The following LRRTM3 variants were observed in gnomAD, a reference collection of about 807,000 sequenced individuals.
The protein encoded by LRRTM3 is leucine-rich repeat transmembrane neuronal protein 3.
LRRTM3 carries 24 observed loss-of-function variants against 44.7 expected under a neutral mutation model. The observed-to-expected ratio is 0.54, with a 90% confidence interval of 0.39 to 0.76. The LOEUF is 0.76. Ranked by LOEUF, LRRTM3 falls within the 30% of genes least tolerant of loss-of-function variation. The pLI is 0.00. For synonymous variants in LRRTM3, 277 were observed against 278.7 expected, an observed-to-expected ratio of 0.99 and a Z score of 0.06; for missense variants, 587 against 702.2, an observed-to-expected ratio of 0.84 and a Z score of 1.85.
At position 66,978,542 on chromosome 10, in the gene LRRTM3, A is replaced by ATAAAATAAAAATAAAAAAAAT. The variant is rs1554890292; in HGVS notation, c.1536+50090_1536+50091insTAAAATAAAAATAAAAAAAAT. 1.9e-3 allele frequency among the ~76,000 whole-genome samples: 132 copies of ATAAAATAAAAATAAAAAAAAT among 68,612 alleles called. 5 individuals carry two copies. The highest frequency in any genetic ancestry group is 3.6e-3 in the Non-Finnish European group (106 of 29,220). The allele number at this position is 68,612 out of a possible 152,430, so 45.0% of individuals were successfully genotyped here. On this transcript the variant is annotated intron_variant, in intron 2 of 2. Transcript: ENST00000361320. ...ACTCCATCTCAAAAAAAAAAAAAAA[A>ATAAAATAAAAATAAAAAAAAT]AAAAAAAAAAATATATATATATATA...
At chr10:67,053,796 C>T (rs1462493883) in intron 2 of LRRTM3, among the ~76,000 whole-genome samples, 2 of 152,116 alleles carry the variant, frequency 1.3e-5, no homozygotes, top group African/African-American at 4.8e-5. Flanking sequence ...GACTCATTTT[C>T]CCATTGAGAT....
At chr10:66,996,518 C>T (rs1443020085) in intron 2 of LRRTM3, among the ~76,000 whole-genome samples, 2 of 151,682 alleles carry the variant, frequency 1.3e-5, no homozygotes, top group Non-Finnish European at 2.9e-5. Flanking sequence ...CGTGGTGGCG[C>T]GTGCCTGTAG....
intron 2 of LRRTM3, among the ~76,000 whole-genome samples, chr10:66,992,389 A>G (rs1851088664): frequency 6.6e-6 from 1 of 151,260 alleles, no homozygotes; most frequent in East Asian, 1.9e-4. Context: ...TCCTTTTCCT[A>G]TTATTCTTCC....
At chr10:66,934,288 C>T (rs968771619) in intron 2 of LRRTM3, among the ~76,000 whole-genome samples, 8 of 151,994 alleles carry the variant, frequency 5.3e-5, no homozygotes, top group South Asian at 2.1e-4. Flanking sequence ...TTTAAGGGCT[C>T]TCACTTCTCC....
intron 2 of LRRTM3, among the ~76,000 whole-genome samples, chr10:67,090,133 A>G (rs567139426): frequency 6.6e-6 from 1 of 152,174 alleles, no homozygotes; most frequent in East Asian, 1.9e-4. Context: ...CTTCCTGAAC[A>G]TTTTTACACA....
At chr10:67,036,462 G>A (rs558386670) in intron 2 of LRRTM3, among the ~76,000 whole-genome samples, 1 of 152,198 alleles carries the variant, frequency 6.6e-6, no homozygotes, top group South Asian at 2.1e-4. Flanking sequence ...TCAGGAGTTT[G>A]AGATCAGCCT....
chr10:66,994,483 C>T (rs1040597959), intron 2 of LRRTM3, among the ~76,000 whole-genome samples: 2 of 152,156 alleles, frequency 1.3e-5, no homozygotes, highest in African/African-American at 4.8e-5. Context: ...TCTGCAATTC[C>T]TAGTTTTGCA....
intron 1 of LRRTM3, 146 bp downstream of exon 1, chr10:66,926,733 C>T (rs1847097014): frequency 2.8e-6 from 3 of 1,065,716 alleles, no homozygotes; most frequent in African/African-American, 1.6e-5. Context: ...GGCATGTTTC[C>T]TTGTTTAACT....
At chr10:66,957,347 A>C (rs1162027059) in intron 2 of LRRTM3, among the ~76,000 whole-genome samples, 1 of 149,868 alleles carries the variant, frequency 6.7e-6, no homozygotes, top group African/African-American at 2.4e-5. Context: ...CAAGTAAAAA[A>C]TACTTTAGAA....
At chr10:66,952,521 T>G (rs909612266) in intron 2 of LRRTM3, among the ~76,000 whole-genome samples, 15 of 151,946 alleles carry the variant, frequency 9.9e-5, no homozygotes, top group African/African-American at 3.4e-4. Flanking sequence ...AATGGAAAAA[T>G]TAATTGTGTG....
intron 2 of LRRTM3, among the ~76,000 whole-genome samples, chr10:67,081,353 A>G (rs1320908094): frequency 6.6e-6 from 1 of 152,238 alleles, no homozygotes; most frequent in Non-Finnish European, 1.5e-5. Context: ...ATCAATCAGT[A>G]GTAATACAAT....
rs1243329899 is a variant in LRRTM3, at chr10:66,957,338, A to T, written c.1536+28886A>T. Among the ~76,000 whole-genome samples the T allele has an allele frequency of 4.0e-5, 6 of 150,372 alleles. No homozygotes were observed. In the Admixed American group the frequency reaches 4.0e-4, roughly 10 times the overall value. On this transcript the variant is annotated intron_variant, in intron 2 of 2. Coordinates refer to ENST00000361320, the MANE Select transcript of LRRTM3 (RefSeq NM_178011.5). ...TTATTCCACAGTAGAAATGAGAGACAAGTAAAAAATACTTTAGAAGAAATA... is the reference window on the plus strand; with the variant it reads ...TTATTCCACAGTAGAAATGAGAGACTAGTAAAAAATACTTTAGAAGAAATA...
intron 2 of LRRTM3, among the ~76,000 whole-genome samples, chr10:66,991,597 G>A (rs1399173970): frequency 2.6e-5 from 4 of 152,100 alleles, no homozygotes; most frequent in African/African-American, 9.7e-5. Context: ...TGTTGCCCAG[G>A]CTGGAGTGCA....
chr10:66,954,316 T>C (rs1420143237), intron 2 of LRRTM3, among the ~76,000 whole-genome samples: 2 of 152,210 alleles, frequency 1.3e-5, no homozygotes, highest in African/African-American at 4.8e-5. Context: ...TTGTTCTGTG[T>C]CTAGTTAAAC....
intron 2 of LRRTM3, among the ~76,000 whole-genome samples, chr10:67,058,861 A>T (rs1469593630): frequency 6.6e-6 from 1 of 152,186 alleles, no homozygotes; most frequent in Non-Finnish European, 1.5e-5. Context: ...AATTTCTAAG[A>T]TCATAAAATG....
At chr10:67,026,449 C>A (rs1339000612) in intron 2 of LRRTM3, among the ~76,000 whole-genome samples, 1 of 151,258 alleles carries the variant, frequency 6.6e-6, no homozygotes, top group Admixed American at 6.6e-5. Flanking sequence ...AAAATAAAAA[C>A]AAAATAATAT....
At position 66,927,295 on chromosome 10, in the gene LRRTM3, A is replaced by C. The variant is rs1331054401; in HGVS notation, c.379A>C (p.Asn127His). The C allele has an allele frequency of 6.2e-7, 1 of 1,614,120 alleles. No homozygotes were observed. Among genetic ancestry groups the C allele is most frequent in the East Asian group, 2.2e-5 (1 of 44,882 alleles). The change falls in exon 2 of 3, where the codon AAT becomes CAT. Residue 127 changes from asparagine to histidine, a missense_variant. By Grantham distance (68) the Asn-to-His change is moderately conservative (BLOSUM62 1). Around this residue, in one of 3 missense-constraint regions of LRRTM3, gnomAD observed 222 missense variants for 323.3 expected, o/e 0.69. Coordinates refer to ENST00000361320, the MANE Select transcript of LRRTM3 (RefSeq NM_178011.5). This position sits in a 1 kb window ranked among gnomAD's most constrained non-coding sequence, Gnocchi z 4.7. ...CAATAGAATCTCCTATTTTCTTAACAATACCTTCAGACCTGTGACAAATTT... is the reference window on the plus strand; with the variant it reads ...CAATAGAATCTCCTATTTTCTTAACCATACCTTCAGACCTGTGACAAATTT... ...SSNRISYFLN[N>H]TFRPVTNLRN...
At chr10:66,934,104 CA>C (rs1847559235) in intron 2 of LRRTM3, among the ~76,000 whole-genome samples, 1 of 151,944 alleles carries the variant, frequency 6.6e-6, no homozygotes, top group African/African-American at 2.4e-5. Flanking sequence ...GATATAAGAC[CA>C]AGCAAGTACA....
rs545928580 is a variant in LRRTM3 at position 67,027,374 on chromosome 10, G to A, written c.1537-70213G>A. ...ATTCCTGGATTACTTTAATGACTCA[G>A]AAAATATTAAATACCTATATTTCTG... On this transcript the variant is annotated intron_variant, in intron 2 of 2. Coordinates refer to ENST00000361320, the MANE Select transcript of LRRTM3 (RefSeq NM_178011.5). Among the ~76,000 whole-genome samples, 3 of 151,212 alleles carry A rather than the reference G, an allele frequency of 2.0e-5. No homozygotes were observed. The South Asian group carries it at 6.3e-4, about 32-fold the overall frequency.
Sources: gnomAD v4.1 joint callset for allele counts (sites outside exome capture counted in the v4.1 genomes callset) on GRCh38, gnomAD v4.1.1 for gene constraint, gnomAD v4.1.1 regional missense constraint, Gnocchi (gnomAD v3.1) non-coding constraint, MANE v1.5 for transcripts, NCBI Gene and HGNC (gene_info 2026-07-23, HGNC 2026-07-21) for gene names.